Variants in IMMP2L observed in about 807,000 individuals in gnomAD.
The protein encoded by IMMP2L is mitochondrial inner membrane protease subunit 2.
A neutral mutation model predicts 19.3 loss-of-function variants in IMMP2L; 18 were observed. The observed-to-expected ratio is 0.93, with a 90% CI of 0.64 to 1.38. The LOEUF (loss-of-function observed/expected upper bound fraction) is 1.38, where lower values mean the gene tolerates loss of function less well. Among genes scored for constraint, IMMP2L ranks in the 40% most tolerant of loss-of-function variants. The pLI is 0.00. For missense variants in IMMP2L, 233 were observed against 218.2 expected (o/e 1.07, Z -0.43); for synonymous variants, 76 against 73.0 (o/e 1.04, Z -0.21).
chr7:111,186,071 G>C (rs189442045), intron 3 of IMMP2L, among the ~76,000 whole-genome samples: 147 of 152,154 alleles, frequency 9.7e-4, no homozygotes, highest in Non-Finnish European at 1.7e-3. Flanking sequence ...AAATTTTAAA[G>C]TATTTTGCTA....
intron 3 of IMMP2L, among the ~76,000 whole-genome samples, chr7:111,380,850 G>A (rs1223725225): frequency 1.3e-5 from 2 of 151,898 alleles, no homozygotes; most frequent in Non-Finnish European, 1.5e-5. Context: ...GCTAACCTTA[G>A]AATACAATTT....
intron 3 of IMMP2L, among the ~76,000 whole-genome samples, chr7:111,156,956 T>A (rs2129604775): frequency 6.6e-6 from 1 of 152,044 alleles, no homozygotes; most frequent in African/African-American, 2.4e-5. Context: ...AAGAAGTCTG[T>A]CAAGTTCACT....
chr7:110,791,189 A>G (rs185055720), intron 5 of IMMP2L, among the ~76,000 whole-genome samples: 3 of 151,820 alleles, frequency 2.0e-5, no homozygotes, highest in African/African-American at 7.3e-5. Context: ...ACATAATAGA[A>G]AAAGAATTTG....
At chr7:111,294,742 C>T (rs1282860921) in intron 3 of IMMP2L, among the ~76,000 whole-genome samples, 2 of 151,804 alleles carry the variant, frequency 1.3e-5, no homozygotes, top group Non-Finnish European at 2.9e-5. Flanking sequence ...CCATGTAATG[C>T]AAGTGACAGT....
chr7:110,796,484 T>G (rs1466188688), intron 5 of IMMP2L, among the ~76,000 whole-genome samples: 1 of 152,094 alleles, frequency 6.6e-6, no homozygotes, highest in Non-Finnish European at 1.5e-5. Context: ...TTCTGACTTT[T>G]AGAAAGAGAT....
chr7:111,225,413 T>G (rs902188086), intron 3 of IMMP2L, among the ~76,000 whole-genome samples: 1 of 152,002 alleles, frequency 6.6e-6, no homozygotes, highest in Non-Finnish European at 1.5e-5. Context: ...TTGGAAGATA[T>G]ATAACCCAAT....
intron 3 of IMMP2L, among the ~76,000 whole-genome samples, chr7:110,971,810 T>C (rs765053410): frequency 7.9e-5 from 12 of 152,256 alleles, no homozygotes; most frequent in Non-Finnish European, 1.5e-4. Flanking sequence ...TTGATTAATA[T>C]GCTTTCTAGT....
chr7:111,464,476 T>C (rs1004178779), intron 3 of IMMP2L, among the ~76,000 whole-genome samples: 1 of 152,110 alleles, frequency 6.6e-6, no homozygotes, highest in Non-Finnish European at 1.5e-5. Flanking sequence ...GGCAAAACCA[T>C]GCCTCATAAG....
At chr7:111,158,454 G>C (rs534343432) in intron 3 of IMMP2L, among the ~76,000 whole-genome samples, 69 of 152,178 alleles carry the variant, frequency 4.5e-4, no homozygotes, top group African/African-American at 1.7e-3. Flanking sequence ...ACAGAAAGTA[G>C]TGACAATTAT....
At chr7:111,325,500 A>T (rs774678509) in intron 3 of IMMP2L, among the ~76,000 whole-genome samples, 1 of 151,722 alleles carries the variant, frequency 6.6e-6, no homozygotes, top group African/African-American at 2.4e-5. Context: ...ATAATTTTAA[A>T]TGAATGTATA....
chr7:110,699,882 T>C (rs544858851), intron 5 of IMMP2L, among the ~76,000 whole-genome samples: 1 of 152,108 alleles, frequency 6.6e-6, no homozygotes, highest in African/African-American at 2.4e-5. Context: ...AACCATGTTA[T>C]AAGCAGCCTA....
chr7:111,132,714 T>C (rs1261034117), intron 3 of IMMP2L, among the ~76,000 whole-genome samples: 1 of 151,994 alleles, frequency 6.6e-6, no homozygotes, highest in African/African-American at 2.4e-5. Context: ...GGATTGCATA[T>C]TGATAAAAGA....
rs568346306 is a variant in IMMP2L, at chr7:110,932,876, T to C, written c.305+30624A>G. 2.5e-4 allele frequency among the ~76,000 whole-genome samples: 38 copies of C among 152,286 alleles called. 2 individuals are homozygous for C. Among genetic ancestry groups the C allele is most frequent in the African/African-American group, 8.2e-4 (34 of 41,548 alleles). The stretch of plus-strand genomic sequence containing the variant: ...AATTCCATGTTGCCTTTCTGGAGAA[T>C]GCAATAGAATTTGCGAGCATGATAT... On this transcript the variant is annotated intron_variant, in intron 4 of 5. Transcript: ENST00000405709.
At chr7:110,796,754 C>A (rs1800889381) in intron 5 of IMMP2L, among the ~76,000 whole-genome samples, 1 of 151,982 alleles carries the variant, frequency 6.6e-6, no homozygotes, top group African/African-American at 2.4e-5. Context: ...GAAAGCAAGA[C>A]CTGCAAGATC....
chr7:111,376,754 G>A (rs908512186), intron 3 of IMMP2L, among the ~76,000 whole-genome samples: 4 of 152,060 alleles, frequency 2.6e-5, no homozygotes, highest in African/African-American at 9.7e-5. Context: ...ACAACATGAT[G>A]AACCTTGAAG....
intron 5 of IMMP2L, among the ~76,000 whole-genome samples, chr7:110,718,585 T>TA (rs1795372438): frequency 6.6e-6 from 1 of 152,156 alleles, no homozygotes; most frequent in African/African-American, 2.4e-5. Flanking sequence ...ACCAGGGAGT[T>TA]AAAAGCACTT....
At chr7:110,966,020 A>T (rs751761063) in intron 3 of IMMP2L, among the ~76,000 whole-genome samples, 1 of 152,078 alleles carries the variant, frequency 6.6e-6, no homozygotes, top group Non-Finnish European at 1.5e-5. Flanking sequence ...TATTTTAAAA[A>T]AGAAAAAAAT....
intron 5 of IMMP2L, among the ~76,000 whole-genome samples, chr7:110,810,209 C>T (rs1801937811): frequency 6.6e-6 from 1 of 152,022 alleles, no homozygotes; most frequent in Non-Finnish European, 1.5e-5. Flanking sequence ...ACAATGGCTG[C>T]ATTTAATTCA....
At chr7:111,194,435 C>A (rs1247830056) in intron 3 of IMMP2L, among the ~76,000 whole-genome samples, 1 of 152,068 alleles carries the variant, frequency 6.6e-6, no homozygotes, top group African/African-American at 2.4e-5. Flanking sequence ...CAGAATCCAC[C>A]CCTCCTTTGT....
Sources: gnomAD v4.1 joint callset for allele counts (sites outside exome capture counted in the v4.1 genomes callset) on GRCh38, gnomAD v4.1.1 for gene constraint, MANE v1.5 for transcripts, NCBI Gene and HGNC (gene_info 2026-07-23, HGNC 2026-07-21) for gene names.